The following ARID1B variants were observed in gnomAD, a reference collection of about 807,000 sequenced individuals.
The protein encoded by ARID1B is AT-rich interaction domain 1B, also known as AT-rich interactive domain-containing protein 1B.
ARID1B carries 30 observed loss-of-function variants against 212.3 expected under a neutral mutation model. The observed-to-expected ratio is 0.14, with a 90% CI of 0.11 to 0.19. ARID1B has a LOEUF of 0.19. Among genes scored for constraint, ARID1B ranks in the 10% least tolerant of loss-of-function variants. The probability of loss-of-function intolerance (pLI) is 1.00; values close to 1 mark genes in which losing one functional copy is unlikely to be tolerated. For missense variants in ARID1B, 2,891 were observed against 3,204.0 expected (o/e 0.90, Z 2.36); for synonymous variants, 1,402 against 1,301.7 (o/e 1.08, Z -1.66).
At chr6:156,795,559 C>T (rs900621427) in intron 1 of ARID1B, among the ~76,000 whole-genome samples, 4 of 152,098 alleles carry the variant, frequency 2.6e-5, no homozygotes, top group African/African-American at 7.2e-5. Context: ...AAAACTCCTC[C>T]AGTTCTTCAG....
intron 7 of ARID1B, 70 bp downstream of exon 7, chr6:157,133,277 A>G: frequency 6.9e-7 from 1 of 1,442,050 alleles, no homozygotes; most frequent in East Asian, 2.4e-5. Flanking sequence ...CTAGTCCTTC[A>G]AGATTTTAAT....
intron 6 of ARID1B, among the ~76,000 whole-genome samples, chr6:157,113,695 A>G (rs1413159610): frequency 6.6e-6 from 1 of 152,096 alleles, no homozygotes; most frequent in Admixed American, 6.5e-5. Flanking sequence ...ACAGTTCAAC[A>G]TGAGATTTGG....
rs757443510 is a variant in ARID1B, at chr6:157,036,861, A to G, written c.2248-47801A>G. Reference sequence around the variant, plus strand: ...TTGAAGTCTTGGCCTCGGAGGATGCAGCCTTTGGACTCAAGGTGTGTAGTC... The same window carrying G: ...TTGAAGTCTTGGCCTCGGAGGATGCGGCCTTTGGACTCAAGGTGTGTAGTC... On this transcript the variant is annotated intron_variant, in intron 4 of 19. Coordinates refer to ENST00000636930, the MANE Select transcript of ARID1B (RefSeq NM_001374828.1). 2.2e-4 allele frequency: 108 copies of G among 501,816 alleles called. 2 individuals are homozygous for G. Among genetic ancestry groups the G allele is most frequent in the South Asian group, 1.6e-3 (103 of 64,966 alleles). 31.1% of individuals were successfully genotyped at this position (501,816 alleles called of 1,614,324 possible).
intron 13 of ARID1B, among the ~76,000 whole-genome samples, chr6:157,188,941 A>T (rs934331204): frequency 1.3e-5 from 2 of 152,198 alleles, no homozygotes; most frequent in African/African-American, 4.8e-5. Flanking sequence ...TTATAATGTA[A>T]TTATACTTAA....
At position 156,778,731 on chromosome 6, in the gene ARID1B, TCCGCCTCCG is replaced by T. The variant is rs955579709; in HGVS notation, c.1057_1065del (p.Ser353_Ala355del). On this transcript the variant is annotated inframe_deletion, in exon 1 of 20. Transcript: ENST00000636930. ...AAGCCCCGGGATGGGGATGATGCAC[TCCGCCTCCG>T]CCGCCGCCGCCGGGGCCCCCGGCAG... The T allele has an allele frequency of 3.3e-6, 5 of 1,521,438 alleles. No homozygotes were observed. In the African/African-American group the frequency reaches 5.7e-5, roughly 17 times the overall value. 94.2% of individuals were successfully genotyped at this position (1,521,438 alleles called of 1,614,324 possible).
intron 5 of ARID1B, among the ~76,000 whole-genome samples, chr6:157,095,376 T>C (rs1379259976): frequency 6.6e-6 from 1 of 152,204 alleles, no homozygotes; most frequent in Admixed American, 6.5e-5. Context: ...CAGGTGGTTA[T>C]TATGCACAGC....
In ARID1B at chr6:157,208,880, A is replaced by C. The variant is rs934741854; in HGVS notation, c.*989A>C. The C allele has an allele frequency of 4.4e-6, 1 of 227,926 alleles. No homozygotes were observed. The highest frequency in any genetic ancestry group is 2.2e-5 in the African/African-American group (1 of 45,050). The allele number at this position is 227,926 out of a possible 1,614,324, so 14.1% of individuals were successfully genotyped here. A position where few individuals can be genotyped will look rare whatever the true frequency, so the allele number is the denominator to read the frequency against. ...GAAAAAATACAAAAAACAAAAACAA[A>C]AAAAAAAGAGGGTAATGTACAAGTT... On this transcript the variant is annotated 3_prime_UTR_variant, in exon 20 of 20. Coordinates refer to ENST00000636930, the MANE Select transcript of ARID1B (RefSeq NM_001374828.1).
intron 9 of ARID1B, among the ~76,000 whole-genome samples, chr6:157,171,217 C>G (rs1003659850): frequency 6.6e-6 from 1 of 152,212 alleles, no homozygotes; most frequent in African/African-American, 2.4e-5. Flanking sequence ...CGTTCTAGTT[C>G]TTAAATTTCA....
chr6:156,935,543 C>G lies in ARID1B; in HGVS notation c.2214C>G (p.Asn738Lys), dbSNP rs1196152028. 1.2e-6 allele frequency: 2 copies of G among 1,613,340 alleles called. No individual in the cohort carries two copies. Among genetic ancestry groups the G allele is most frequent in the South Asian group, 1.1e-5 (1 of 91,074 alleles). The change falls in exon 4 of 20, where the codon AAC (asparagine) becomes AAG (lysine). Residue 738 changes from asparagine to lysine, a missense_variant. Physicochemically the swap from Asn to Lys is moderately conservative, Grantham distance 94. Coordinates refer to ENST00000636930, the MANE Select transcript of ARID1B (RefSeq NM_001374828.1). ...GAAAACCTAACCATGAAGACTTGAA[C>G]TTAATACAGCAAGAAAGACCATCAA... ...APGKPNHEDLNLIQQERPSSL... is the reference protein window; with the variant it reads ...APGKPNHEDLKLIQQERPSSL...
intron 13 of ARID1B, chr6:157,186,691 T>C (rs1793000253): frequency 8.3e-6 from 3 of 360,502 alleles, no homozygotes; most frequent in South Asian, 6.5e-5. Flanking sequence ...GTATGTTCTT[T>C]GAAGTCACTT....
At position 156,977,817 on chromosome 6, in the gene ARID1B, C is replaced by T. The variant is rs538782903; in HGVS notation, c.2247+42241C>T. 4.6e-5 allele frequency among the ~76,000 whole-genome samples: 7 copies of T among 152,222 alleles called. No individual in the cohort carries two copies. In the East Asian group the frequency reaches 1.4e-3, roughly 29 times the overall value. Reference sequence around the variant, plus strand: ...CCTATAAACATCCTTGAACTTTAGTCTGGGACCCAGGCATATTACTTGGAA... The same window carrying T: ...CCTATAAACATCCTTGAACTTTAGTTTGGGACCCAGGCATATTACTTGGAA... On this transcript the variant is annotated intron_variant, in intron 4 of 19. Transcript: ENST00000636930.
chr6:157,070,089 C>A (rs1783915253), intron 4 of ARID1B, among the ~76,000 whole-genome samples: 1 of 152,080 alleles, frequency 6.6e-6, no homozygotes, highest in South Asian at 2.1e-4. Flanking sequence ...CAAAATGTTA[C>A]AATTTAGTAA....
chr6:157,172,322 C>T lies in ARID1B; in HGVS notation c.3236-1686C>T, dbSNP rs557540699. 3.3e-5 allele frequency among the ~76,000 whole-genome samples: 5 copies of T among 152,280 alleles called. No homozygotes were observed. The South Asian group carries it at 1.0e-3, about 32-fold the overall frequency. ...AGGTTTCACACATTCACAAAAATAA[C>T]AGCATTTTTAGCTGATCCCAATAGA... On this transcript the variant is annotated intron_variant, in intron 9 of 19. Coordinates refer to ENST00000636930, the MANE Select transcript of ARID1B (RefSeq NM_001374828.1).
intron 1 of ARID1B, among the ~76,000 whole-genome samples, chr6:156,813,312 C>T (rs908696502): frequency 6.7e-6 from 1 of 150,238 alleles, no homozygotes; most frequent in Non-Finnish European, 1.5e-5. Context: ...TGGGGCTTCA[C>T]CATGTTGCCC....
chr6:157,006,966 C>CAG (rs1562543901), intron 4 of ARID1B, among the ~76,000 whole-genome samples: 1 of 152,240 alleles, frequency 6.6e-6, no homozygotes, highest in Non-Finnish European at 1.5e-5. Flanking sequence ...CACACACACA[C>CAG]AGACACGCAA....
At position 157,203,023 on chromosome 6, in the gene ARID1B, A is replaced by T. The variant is rs548829433; in HGVS notation, c.5264-843A>T. Among the ~76,000 whole-genome samples, 9 of 152,232 alleles carry T rather than the reference A, an allele frequency of 5.9e-5. No individual in the cohort carries two copies. The South Asian group carries it at 1.5e-3, about 25-fold the overall frequency. On this transcript the variant is annotated intron_variant, in intron 18 of 19. Transcript: ENST00000636930. The surrounding 1 kb of genome is among the most constrained non-coding windows in gnomAD (Gnocchi z 4.4). The stretch of plus-strand genomic sequence containing the variant: ...TTTTAAAAGTAATTTTGATTTTTTT[A>T]TTGTAAAAACAGTATGTAGCTATCT...
rs563125396 is a variant in ARID1B at position 157,057,850 on chromosome 6, G to A, written c.2248-26812G>A. Among the ~76,000 whole-genome samples, 26 of 152,232 alleles carry A rather than the reference G, an allele frequency of 1.7e-4. No homozygotes were observed. In the South Asian group the frequency reaches 2.3e-3, roughly 13 times the overall value. ...AGTTTAGGAGGATTAATTTCAGATA[G>A]GGTTGATGATACCAACAGCATACTC... On this transcript the variant is annotated intron_variant, in intron 4 of 19. Coordinates refer to ENST00000636930, the MANE Select transcript of ARID1B (RefSeq NM_001374828.1).
chr6:157,117,340 G>A (rs891123579), intron 6 of ARID1B, among the ~76,000 whole-genome samples: 6 of 151,990 alleles, frequency 3.9e-5, no homozygotes, highest in South Asian at 2.1e-4. Context: ...TATTAACCCC[G>A]AATGTTAACT....
At chr6:157,159,736 C>T (rs1453061549) in intron 8 of ARID1B, among the ~76,000 whole-genome samples, 3 of 152,148 alleles carry the variant, frequency 2.0e-5, no homozygotes, top group Non-Finnish European at 4.4e-5. Context: ...TGGAGACAAT[C>T]AGGAGAAATG....
Sources: allele counts gnomAD v4.1 joint callset (sites outside exome capture counted in the v4.1 genomes callset), GRCh38; gene constraint gnomAD v4.1.1; non-coding constraint Gnocchi (gnomAD v3.1); transcripts MANE v1.5; gene names NCBI Gene and HGNC (gene_info 2026-07-23, HGNC 2026-07-21).